The following RANBP2 variants were observed in gnomAD, a reference collection of about 807,000 sequenced individuals.
RANBP2 encodes E3 SUMO-protein ligase RanBP2.
A neutral mutation model predicts 303.6 loss-of-function variants in RANBP2; 57 were observed. That is an observed-to-expected ratio of 0.19 (90% CI 0.15 to 0.23). The LOEUF is 0.23. RANBP2 is among the 10% of genes least tolerant of loss of function. RANBP2 has a pLI of 1.00. For synonymous variants in RANBP2, 1,167 were observed against 1,301.5 expected, an observed-to-expected ratio of 0.90 and a Z score of 2.23; for missense variants, 3,138 against 3,780.8, an observed-to-expected ratio of 0.83 and a Z score of 4.46.
At chr2:108,840,006 A>G in the RANBP2 span, among the ~76,000 whole-genome samples, 6 of 152,076 alleles carry the variant, frequency 3.9e-5, no homozygotes, top group African/African-American at 1.4e-4. Context: ...TAGTATTTTC[A>G]TAGATACTTT....
chr2:108,958,275 G>A, the RANBP2 span, among the ~76,000 whole-genome samples: 7 of 152,112 alleles, frequency 4.6e-5, no homozygotes, highest in African/African-American at 7.2e-5. Flanking sequence ...GTTGAGACTC[G>A]CCTGTTTTCA....
downstream of RANBP2, among the ~76,000 whole-genome samples, chr2:108,787,132 C>T (rs1213657342): frequency 6.6e-6 from 1 of 152,188 alleles, no homozygotes; most frequent in Non-Finnish European, 1.5e-5. Context: ...CCTCTGTGTT[C>T]CTGGTATACT....
the RANBP2 span, among the ~76,000 whole-genome samples, chr2:109,666,977 T>C: frequency 6.6e-6 from 1 of 152,172 alleles, no homozygotes; most frequent in Non-Finnish European, 1.5e-5. Flanking sequence ...CAGTCCATAT[T>C]TGATGGATGA....
At chr2:109,093,138 T>C in the RANBP2 span, among the ~76,000 whole-genome samples, 2 of 152,210 alleles carry the variant, frequency 1.3e-5, no homozygotes, top group Non-Finnish European at 2.9e-5. Flanking sequence ...TAAGAACCTT[T>C]GCAGGAATGA....
chr2:109,342,476 T>C, the RANBP2 span, among the ~76,000 whole-genome samples: 2 of 152,298 alleles, frequency 1.3e-5, no homozygotes, highest in East Asian at 3.9e-4. Context: ...GGGCCCTCCA[T>C]TGAAAGCAGG....
chr2:108,757,733 A>AG (rs1371175956), intron 17 of RANBP2, among the ~76,000 whole-genome samples: 1 of 152,172 alleles, frequency 6.6e-6, no homozygotes, highest in East Asian at 1.9e-4. Context: ...GTGAAAGTTG[A>AG]GGAAAGAAGT....
the RANBP2 span, among the ~76,000 whole-genome samples, chr2:109,420,928 A>G: frequency 6.6e-6 from 1 of 152,312 alleles, no homozygotes; most frequent in African/African-American, 2.4e-5. Flanking sequence ...TAACCAATGT[A>G]ATGAAAGGTA....
At chr2:108,934,785 C>G in the RANBP2 span, among the ~76,000 whole-genome samples, 1 of 152,340 alleles carries the variant, frequency 6.6e-6, no homozygotes, top group East Asian at 1.9e-4. Flanking sequence ...CTCACGACCT[C>G]ATCACCTCCC....
At chr2:109,101,489 A>T in the RANBP2 span, among the ~76,000 whole-genome samples, 1 of 151,980 alleles carries the variant, frequency 6.6e-6, no homozygotes, top group Non-Finnish European at 1.5e-5. Context: ...GATCACCCCA[A>T]TGCACTCCAG....
the RANBP2 span, chr2:109,614,517 G>A: frequency 7.9e-7 from 1 of 1,261,182 alleles, no homozygotes. Flanking sequence ...GTGGGGCCCC[G>A]AGGCGGCGCT....
At chr2:109,577,036 T>G in the RANBP2 span, among the ~76,000 whole-genome samples, 1 of 151,846 alleles carries the variant, frequency 6.6e-6, no homozygotes, top group African/African-American at 2.4e-5. Flanking sequence ...AGGTACAGCA[T>G]AGCAAAACTG....
the RANBP2 span, among the ~76,000 whole-genome samples, chr2:109,568,660 A>G: frequency 3.9e-5 from 2 of 51,658 alleles, no homozygotes; most frequent in African/African-American, 1.4e-4. Context: ...GATAAAAGGT[A>G]AACTGAATTG....
chr2:109,606,883 C>G, the RANBP2 span, among the ~76,000 whole-genome samples: 1 of 151,834 alleles, frequency 6.6e-6, no homozygotes, highest in East Asian at 1.9e-4. Flanking sequence ...AACTCCTGAC[C>G]GGAGGTGACC....
chr2:109,565,653 T>G, the RANBP2 span: 41 of 961,960 alleles, frequency 4.3e-5, no homozygotes, highest in Non-Finnish European at 6.5e-5. Flanking sequence ...AGCCAATTCC[T>G]CTGACAACCA....
chr2:109,050,168 G>A, the RANBP2 span, among the ~76,000 whole-genome samples: 1 of 152,086 alleles, frequency 6.6e-6, no homozygotes, highest in South Asian at 2.1e-4. Flanking sequence ...TCAATTGTTT[G>A]TATAATTGAT....
the RANBP2 span, chr2:108,791,783 T>G: frequency 2.5e-6 from 4 of 1,590,156 alleles, no homozygotes; most frequent in Middle Eastern, 1.7e-4. Flanking sequence ...CCAAGCAGTC[T>G]TTTAAAGAAA....
chr2:109,048,082 A>T, the RANBP2 span, among the ~76,000 whole-genome samples: 1 of 152,236 alleles, frequency 6.6e-6, no homozygotes, highest in Admixed American at 6.5e-5. Flanking sequence ...GTGTGACAGA[A>T]CTTTATAGCT....
chr2:109,524,408 C>G, the RANBP2 span, among the ~76,000 whole-genome samples: 2 of 136,276 alleles, frequency 1.5e-5, no homozygotes, highest in African/African-American at 5.6e-5. Context: ...TCAGCTCCTG[C>G]TAGGGATCTT....
the RANBP2 span, among the ~76,000 whole-genome samples, chr2:109,226,624 T>C: frequency 6.6e-6 from 1 of 152,206 alleles, no homozygotes; most frequent in African/African-American, 2.4e-5. Context: ...TCCCCTTTCC[T>C]GAGTGTTTCT....
Sources: gnomAD v4.1 joint callset for allele counts (sites outside exome capture counted in the v4.1 genomes callset) on GRCh38, gnomAD v4.1.1 for gene constraint, MANE v1.5 for transcripts, NCBI Gene and HGNC (gene_info 2026-07-23, HGNC 2026-07-21) for gene names.